The following SYNE1 variants were observed in gnomAD, a reference collection of about 807,000 sequenced individuals.
The protein encoded by SYNE1 is nesprin-1.
A neutral mutation model predicts 1,111.0 loss-of-function variants in SYNE1; 616 were observed. The ratio of observed to expected loss-of-function variants is 0.55; its 90% CI spans 0.52 to 0.59. The LOEUF (loss-of-function observed/expected upper bound fraction) is 0.59, where lower values mean the gene tolerates loss of function less well. Ranked by LOEUF, SYNE1 falls within the 20% of genes least tolerant of loss-of-function variation. The pLI is 0.00. For synonymous variants in SYNE1, 3,855 were observed against 3,825.8 expected, an observed-to-expected ratio of 1.01 and a Z score of -0.28; for missense variants, 10,006 against 10,417.0, an observed-to-expected ratio of 0.96 and a Z score of 1.72.
At chr6:152,538,241 T>C (rs2099253109) in intron 4 of SYNE1, among the ~76,000 whole-genome samples, 1 of 152,192 alleles carries the variant, frequency 6.6e-6, no homozygotes. Context: ...TCAAACAACG[T>C]ATACCAGGAC....
chr6:152,578,880 T>C (rs954857635), intron 3 of SYNE1, among the ~76,000 whole-genome samples: 7 of 152,220 alleles, frequency 4.6e-5, no homozygotes, highest in Non-Finnish European at 8.8e-5. Flanking sequence ...CATCTTTTGT[T>C]TCCAGGTTAT....
intron 30 of SYNE1, among the ~76,000 whole-genome samples, chr6:152,442,505 G>A (rs1443173722): frequency 6.6e-6 from 1 of 152,134 alleles, no homozygotes; most frequent in Non-Finnish European, 1.5e-5. Flanking sequence ...AGAATATTTA[G>A]CATTTTGTGC....
intron 44 of SYNE1, among the ~76,000 whole-genome samples, chr6:152,407,741 TA>T (rs925908055): frequency 2.0e-5 from 3 of 147,210 alleles, no homozygotes; most frequent in Non-Finnish European, 4.5e-5. Context: ...AATAGCATGT[TA>T]AAAAAAATAA....
chr6:152,588,278 G>T (rs1324997650), intron 3 of SYNE1, among the ~76,000 whole-genome samples: 1 of 152,152 alleles, frequency 6.6e-6, no homozygotes, highest in Non-Finnish European at 1.5e-5. Flanking sequence ...CTTGTTGAGG[G>T]TCTGTACTGG....
intron 135 of SYNE1, 139 bp from the exon 136 acceptor site, chr6:152,149,807 A>G (rs1233336452): frequency 2.7e-6 from 2 of 750,354 alleles, no homozygotes; most frequent in Non-Finnish European, 4.5e-6. Flanking sequence ...ATCACAAGAC[A>G]AGAGTCTATT....
At chr6:152,454,173 T>C (rs1384177599) in intron 24 of SYNE1, among the ~76,000 whole-genome samples, 3 of 113,038 alleles carry the variant, frequency 2.7e-5, no homozygotes, top group Non-Finnish European at 5.4e-5. Context: ...CATTCACACA[T>C]GTGCACACAG....
chr6:152,267,990 T>C (rs2092862438), intron 100 of SYNE1, 66 bp downstream of exon 100: 1 of 1,387,992 alleles, frequency 7.2e-7, no homozygotes, highest in Non-Finnish European at 1.0e-6. Context: ...TTGAGTGAGA[T>C]GTTTACTTTT....
At chr6:152,517,827 G>C (rs1442925171) in intron 6 of SYNE1, among the ~76,000 whole-genome samples, 3 of 152,186 alleles carry the variant, frequency 2.0e-5, no homozygotes, top group Admixed American at 1.3e-4. Flanking sequence ...AGAAACTAGA[G>C]AGACTGGTTA....
At chr6:152,574,807 C>A (rs1216318736) in intron 3 of SYNE1, among the ~76,000 whole-genome samples, 2 of 152,200 alleles carry the variant, frequency 1.3e-5, no homozygotes, top group Non-Finnish European at 2.9e-5. Context: ...ACTTTCAGAT[C>A]CTTGGGACAG....
chr6:152,339,139 A>G (rs912115178), intron 75 of SYNE1, 102 bp downstream of exon 75: 12 of 1,496,840 alleles, frequency 8.0e-6, no homozygotes, highest in Admixed American at 5.3e-5. Flanking sequence ...TACATACAGC[A>G]AGAACAAGCC....
chr6:152,459,939 C>T lies in SYNE1; in HGVS notation c.2395-1009G>A, dbSNP rs368539907. Among the ~76,000 whole-genome samples, 9 of 152,262 alleles carry T rather than the reference C, an allele frequency of 5.9e-5. No individual in the cohort carries two copies. The East Asian group carries it at 1.7e-3, about 29-fold the overall frequency. ...TCTAGGATATACTGCCTGAAGTATA[C>T]ACTCATCAAAAGAAAGTTACCATCC... On this transcript the variant is annotated intron_variant, in intron 21 of 145. Coordinates refer to ENST00000367255, the MANE Select transcript of SYNE1 (RefSeq NM_182961.4).
intron 63 of SYNE1, 120 bp downstream of exon 63, chr6:152,364,727 A>AGGAAGGAT (rs2097028413): frequency 9.2e-7 from 1 of 1,082,150 alleles, no homozygotes; most frequent in Non-Finnish European, 1.3e-6. Context: ...GAAGGAAGGA[A>AGGAAGGAT]GGGAGGAAGG....
At chr6:152,369,981 T>TAAAAAAA (rs1357261000) in intron 59 of SYNE1, among the ~76,000 whole-genome samples, 1 of 5,868 alleles carries the variant, frequency 1.7e-4, no homozygotes, top group Non-Finnish European at 3.0e-4. Flanking sequence ...TGACTCTGTC[T>TAAAAAAA]CAAAAAAAAA....
At chr6:152,632,243 T>C (rs2099699113) in intron 2 of SYNE1, among the ~76,000 whole-genome samples, 1 of 152,206 alleles carries the variant, frequency 6.6e-6, no homozygotes, top group African/African-American at 2.4e-5. Flanking sequence ...TTTTGTTTCA[T>C]TGAATCAAGT....
At chr6:152,602,010 T>C (rs557004373) in intron 3 of SYNE1, among the ~76,000 whole-genome samples, 21 of 152,124 alleles carry the variant, frequency 1.4e-4, no homozygotes, top group Non-Finnish European at 2.8e-4. Flanking sequence ...TGTGCTCCTT[T>C]GATGCCAAAG....
At chr6:152,295,640 A>G (rs1387084285) in intron 93 of SYNE1, among the ~76,000 whole-genome samples, 1 of 152,056 alleles carries the variant, frequency 6.6e-6, no homozygotes, top group Non-Finnish European at 1.5e-5. Context: ...ACATACACAC[A>G]CAAACACGCA....
chr6:152,229,100 C>T (rs1032827703), intron 115 of SYNE1, among the ~76,000 whole-genome samples: 2 of 151,932 alleles, frequency 1.3e-5, no homozygotes, highest in African/African-American at 4.8e-5. Flanking sequence ...TATATGTGTC[C>T]CAAACAGAAA....
intron 93 of SYNE1, among the ~76,000 whole-genome samples, chr6:152,297,015 A>T (rs2094915093): frequency 6.6e-6 from 1 of 152,166 alleles, no homozygotes; most frequent in Admixed American, 6.5e-5. Context: ...TTGATCCAGA[A>T]GTATCAGTTC....
chr6:152,506,478 A>G (rs2099058716), intron 8 of SYNE1, among the ~76,000 whole-genome samples: 1 of 152,152 alleles, frequency 6.6e-6, no homozygotes, highest in African/African-American at 2.4e-5. Flanking sequence ...GAAAAAATAC[A>G]ACCTGAATGG....
Sources: gnomAD v4.1 joint callset for allele counts (sites outside exome capture counted in the v4.1 genomes callset) on GRCh38, gnomAD v4.1.1 for gene constraint, MANE v1.5 for transcripts, NCBI Gene and HGNC (gene_info 2026-07-23, HGNC 2026-07-21) for gene names.